STK3: variants seen among roughly 807,000 people sequenced by gnomAD.
STK3 encodes serine/threonine kinase 3.
A neutral mutation model predicts 58.0 loss-of-function variants in STK3; 41 were observed. The ratio of observed to expected loss-of-function variants is 0.71; its 90% CI spans 0.55 to 0.92. STK3 has a LOEUF of 0.92. Ranked by LOEUF, STK3 falls within the 40% of genes least tolerant of loss-of-function variation. The pLI, the probability that STK3 is intolerant of heterozygous loss-of-function variation, is 0.00. For missense variants in STK3, 479 were observed against 602.7 expected, an observed-to-expected ratio of 0.79 and a Z score of 2.15; for synonymous variants, 170 against 191.0, an observed-to-expected ratio of 0.89 and a Z score of 0.91.
intron 10 of STK3, among the ~76,000 whole-genome samples, chr8:98,469,252 C>CG (rs746927358): frequency 1.0e-5 from 1 of 97,446 alleles, no homozygotes; most frequent in Non-Finnish European, 2.1e-5. Context: ...CTTTTCTTTG[C>CG]GGGGGCGGGG....
At chr8:98,516,718 T>C (rs531925738) in intron 10 of STK3, among the ~76,000 whole-genome samples, 13 of 152,100 alleles carry the variant, frequency 8.5e-5, no homozygotes, top group Non-Finnish European at 1.8e-4. Context: ...TGAATTAGTA[T>C]ATTTCTTTTC....
chr8:98,599,106 C>T (rs982098587), intron 6 of STK3, among the ~76,000 whole-genome samples: 2 of 152,048 alleles, frequency 1.3e-5, no homozygotes, highest in African/African-American at 4.8e-5. Flanking sequence ...GCCAGAATAA[C>T]AAAGAAATTC....
intron 9 of STK3, among the ~76,000 whole-genome samples, chr8:98,529,208 G>A (rs1328906120): frequency 6.6e-6 from 1 of 152,174 alleles, no homozygotes; most frequent in Non-Finnish European, 1.5e-5. Flanking sequence ...AAAAATATGA[G>A]GGAAGCCTAA....
intron 3 of STK3, among the ~76,000 whole-genome samples, chr8:98,844,826 T>G (rs750551649): frequency 2.6e-5 from 4 of 152,240 alleles, no homozygotes; most frequent in Non-Finnish European, 4.4e-5. Flanking sequence ...TTATTCCAAC[T>G]GCAGCTGTTC....
chr8:98,860,258 T>C (rs918822037), intron 3 of STK3, among the ~76,000 whole-genome samples: 5 of 152,060 alleles, frequency 3.3e-5, no homozygotes, highest in Non-Finnish European at 7.4e-5. Flanking sequence ...ACAAAACAAA[T>C]GGATGTGATG....
At chr8:98,917,595 G>A (rs1436621904) in intron 1 of STK3, among the ~76,000 whole-genome samples, 1 of 152,172 alleles carries the variant, frequency 6.6e-6, no homozygotes, top group Non-Finnish European at 1.5e-5. Flanking sequence ...GACATGGGAA[G>A]GACCAGAAAG....
intron 2 of STK3, among the ~76,000 whole-genome samples, chr8:98,771,828 C>T (rs529829460): frequency 6.6e-6 from 1 of 152,182 alleles, no homozygotes; most frequent in South Asian, 2.1e-4. Flanking sequence ...CTCAAGTGAT[C>T]CACCCACCTC....
At chr8:98,939,127 A>G (rs1310065097) in intron 1 of STK3, among the ~76,000 whole-genome samples, 2 of 152,218 alleles carry the variant, frequency 1.3e-5, no homozygotes, top group Non-Finnish European at 2.9e-5. Context: ...TGAATGAGAA[A>G]TAAGTGAGCG....
the STK3 span, among the ~76,000 whole-genome samples, chr8:98,363,735 T>C: frequency 6.6e-6 from 1 of 152,244 alleles, no homozygotes; most frequent in African/African-American, 2.4e-5. Context: ...CTCTTTGAGA[T>C]TTAGGAGGCA....
intron 1 of STK3, among the ~76,000 whole-genome samples, chr8:98,816,968 G>A (rs1312888005): frequency 6.6e-6 from 1 of 152,164 alleles, no homozygotes; most frequent in African/African-American, 2.4e-5. Flanking sequence ...AACCTGAGGG[G>A]TGATTACAAA....
chr8:98,624,373 G>A (rs1818555175), intron 6 of STK3, among the ~76,000 whole-genome samples: 1 of 152,144 alleles, frequency 6.6e-6, no homozygotes, highest in Admixed American at 6.5e-5. Context: ...GTTACATAGA[G>A]TGTGCCAATA....
chr8:98,365,628 T>G, the STK3 span, among the ~76,000 whole-genome samples: 1 of 152,196 alleles, frequency 6.6e-6, no homozygotes, highest in Non-Finnish European at 1.5e-5. Context: ...CTCACACCAG[T>G]CCTGTTCCCC....
chr8:98,550,831 C>A (rs139611990), intron 8 of STK3, among the ~76,000 whole-genome samples: 2 of 152,160 alleles, frequency 1.3e-5, no homozygotes, highest in African/African-American at 2.4e-5. Context: ...CTGCATGCTA[C>A]CTGGAACAAG....
intron 1 of STK3, among the ~76,000 whole-genome samples, chr8:98,778,630 C>T (rs1244824240): frequency 6.6e-6 from 1 of 152,054 alleles, no homozygotes; most frequent in African/African-American, 2.4e-5. Context: ...GGAACCAACC[C>T]AAATGTCCAA....
chr8:98,437,798 C>T (rs1251383410), intron 1 of STK3: 2 of 152,196 alleles, frequency 1.3e-5, no homozygotes, highest in East Asian at 3.9e-4. Flanking sequence ...TTACAAAGGC[C>T]ACCATCACAG....
chr8:98,942,389 A>G (rs1158917168), exon 1 of STK3: 1 of 152,200 alleles, frequency 6.6e-6, no homozygotes, highest in East Asian at 1.9e-4. Flanking sequence ...TTTTCAAGAG[A>G]CCGTAGTCGT....
At chr8:98,905,519 G>C in intron 1 of STK3, 3 of 1,101,194 alleles carry the variant, frequency 2.7e-6, no homozygotes, top group East Asian at 4.7e-5. Flanking sequence ...AGTTGTGTAT[G>C]GTATCCTCAG....
At chr8:98,854,274 G>A (rs1380764378) in intron 3 of STK3, among the ~76,000 whole-genome samples, 1 of 152,002 alleles carries the variant, frequency 6.6e-6, no homozygotes, top group African/African-American at 2.4e-5. Flanking sequence ...AAGTAGCTGG[G>A]ATTACAGGTG....
intron 1 of STK3, among the ~76,000 whole-genome samples, chr8:98,788,205 C>T (rs1378063721): frequency 4.6e-5 from 7 of 151,892 alleles, no homozygotes; most frequent in African/African-American, 1.7e-4. Context: ...ACTGGGAGGC[C>T]GAGGCAGGCA....
Sources: allele counts gnomAD v4.1 joint callset (sites outside exome capture counted in the v4.1 genomes callset), GRCh38; gene constraint gnomAD v4.1.1; transcripts MANE v1.5; gene names NCBI Gene and HGNC (gene_info 2026-07-23, HGNC 2026-07-21).